CDH12: variants seen among roughly 807,000 people sequenced by gnomAD.
CDH12 encodes the protein cadherin 12.
In CDH12, 41 loss-of-function variants were observed where a neutral mutation model predicts 74.1. The observed-to-expected ratio is 0.55, with a 90% CI of 0.43 to 0.72. CDH12 has a LOEUF of 0.72. Among genes scored for constraint, CDH12 ranks in the 30% least tolerant of loss-of-function variants. The pLI, the probability that CDH12 is intolerant of heterozygous loss-of-function variation, is 0.00. For synonymous variants in CDH12, 399 were observed against 355.0 expected (o/e 1.12, Z -1.39); for missense variants, 945 against 977.2 (o/e 0.97, Z 0.44).
chr5:22,658,697 A>T (rs1019389014), intron 1 of CDH12, among the ~76,000 whole-genome samples: 1 of 152,142 alleles, frequency 6.6e-6, no homozygotes, highest in Non-Finnish European at 1.5e-5. Flanking sequence ...ATCACGTTTC[A>T]AGAGGTCGAG....
rs752782183 is a variant in CDH12, at chr5:22,705,130, T to TATATACAC, written c.-523+147927_-523+147928insGTGTATAT. Among the ~76,000 whole-genome samples, 448 of 125,586 alleles carry TATATACAC rather than the reference T, an allele frequency of 3.6e-3. 6 individuals are homozygous for TATATACAC. The highest frequency in any genetic ancestry group is 0.016 in the South Asian group (57 of 3,628). 82.4% of individuals were successfully genotyped at this position (125,586 alleles called of 152,430 possible). On this transcript the variant is annotated intron_variant, in intron 1 of 14. Transcript: ENST00000382254. ...CCCCACCCAGTCATATATATATATA[T>TATATACAC]ACACACACACACACACACACACACA...
chr5:21,973,459 C>G (rs1316498894), intron 6 of CDH12, among the ~76,000 whole-genome samples: 8 of 152,164 alleles, frequency 5.3e-5, no homozygotes, highest in South Asian at 2.1e-4. Context: ...ATATATTTCT[C>G]TCTTTGGATA....
chr5:22,273,017 G>A (rs1736469224), intron 3 of CDH12, among the ~76,000 whole-genome samples: 1 of 152,094 alleles, frequency 6.6e-6, no homozygotes, highest in African/African-American at 2.4e-5. Flanking sequence ...ACTCTTGTGT[G>A]ACTCACTCAC....
intron 1 of CDH12, among the ~76,000 whole-genome samples, chr5:22,532,176 C>T (rs915310284): frequency 2.3e-4 from 34 of 150,834 alleles, no homozygotes; most frequent in Admixed American, 2.0e-4. Context: ...TTTGGATGCT[C>T]GCCCTGGCAC....
In CDH12 at chr5:22,284,948, A is replaced by AT. The variant is rs1369747394; in HGVS notation, c.-332-72306dup. Among the ~76,000 whole-genome samples the AT allele has an allele frequency of 1.1e-3, 57 of 51,416 alleles. 1 individual carries two copies. In the Admixed American group the frequency reaches 0.011, roughly 10 times the overall value. 33.7% of individuals were successfully genotyped at this position (51,416 alleles called of 152,430 possible). A position where few individuals can be genotyped will look rare whatever the true frequency, so the allele number is the denominator to read the frequency against. ...AAAAGAGAAAAAAAGGGAAGAAGAA[A>AT]TGAAAAAAAAAAAAGCATTGAGCAA... On this transcript the variant is annotated intron_variant, in intron 3 of 14. Coordinates refer to ENST00000382254, the MANE Select transcript of CDH12 (RefSeq NM_004061.5).
intron 1 of CDH12, among the ~76,000 whole-genome samples, chr5:22,724,058 A>G (rs1744034781): frequency 6.6e-6 from 1 of 151,756 alleles, no homozygotes; most frequent in Admixed American, 6.6e-5. Context: ...AGCGTCACAT[A>G]GGTAGCAATT....
chr5:22,523,751 G>A (rs531696428), intron 1 of CDH12, among the ~76,000 whole-genome samples: 109 of 151,910 alleles, frequency 7.2e-4, no homozygotes, highest in Non-Finnish European at 9.6e-4. Flanking sequence ...CATTGTTAAC[G>A]CCTTCCCAGA....
chr5:22,646,290 A>C (rs268980), intron 1 of CDH12, among the ~76,000 whole-genome samples: 47,615 of 151,634 alleles, frequency 0.31, 7,846 homozygotes, highest in African/African-American at 0.41. Context: ...GAAATCAACT[A>C]CTGGAAAACC....
At chr5:22,258,980 A>G (rs1264816138) in intron 3 of CDH12, among the ~76,000 whole-genome samples, 1 of 152,212 alleles carries the variant, frequency 6.6e-6, no homozygotes, top group African/African-American at 2.4e-5. Flanking sequence ...AGATAAACAC[A>G]TCACAGATCT....
chr5:22,507,599 G>T (rs1460512048), intron 1 of CDH12, among the ~76,000 whole-genome samples: 1 of 151,982 alleles, frequency 6.6e-6, no homozygotes, highest in Non-Finnish European at 1.5e-5. Flanking sequence ...AAAATCTTTA[G>T]GTTTAAAAAA....
chr5:21,786,957 T>C (rs1216696214), intron 10 of CDH12, among the ~76,000 whole-genome samples: 4 of 152,090 alleles, frequency 2.6e-5, no homozygotes, highest in Non-Finnish European at 5.9e-5. Flanking sequence ...AGCCCTAAGA[T>C]GGGCCTGAAT....
At chr5:22,339,390 G>T (rs1425505633) in intron 3 of CDH12, among the ~76,000 whole-genome samples, 2 of 152,170 alleles carry the variant, frequency 1.3e-5, no homozygotes, top group African/African-American at 4.8e-5. Flanking sequence ...TCATGGGGTT[G>T]CTGTAGAGGT....
At chr5:22,700,817 A>G (rs1431298330) in intron 1 of CDH12, among the ~76,000 whole-genome samples, 1 of 152,332 alleles carries the variant, frequency 6.6e-6, no homozygotes, top group East Asian at 1.9e-4. Flanking sequence ...AATGAGATAT[A>G]AAGTAGTCCT....
At chr5:22,151,056 G>A (rs546429416) in intron 4 of CDH12, among the ~76,000 whole-genome samples, 2 of 152,238 alleles carry the variant, frequency 1.3e-5, no homozygotes, top group Admixed American at 6.5e-5. Flanking sequence ...GGTGTTTTAC[G>A]CACTTTTTGT....
At chr5:22,383,361 C>A (rs540649918) in intron 3 of CDH12, among the ~76,000 whole-genome samples, 1 of 152,168 alleles carries the variant, frequency 6.6e-6, no homozygotes, top group African/African-American at 2.4e-5. Flanking sequence ...CACAAAAATC[C>A]AAAATGACTT....
At position 22,683,245 on chromosome 5, in the gene CDH12, A is replaced by T. The variant is rs144085499; in HGVS notation, c.-523+169813T>A. 1.4e-3 allele frequency among the ~76,000 whole-genome samples: 215 copies of T among 152,288 alleles called. 2 individuals carry two copies. Among genetic ancestry groups the T allele is most frequent in the African/African-American group, 5.0e-3 (207 of 41,578 alleles). Reference sequence around the variant, plus strand: ...TAACGTTTCTTCCAGAGAGCTGTTAATATTTCTTCTATGCTGAAATCCCAC... The same window carrying T: ...TAACGTTTCTTCCAGAGAGCTGTTATTATTTCTTCTATGCTGAAATCCCAC... On this transcript the variant is annotated intron_variant, in intron 1 of 14. Transcript: ENST00000382254.
At chr5:21,760,491 T>C in intron 13 of CDH12, 67 bp downstream of exon 13, 1 of 777,504 alleles carries the variant, frequency 1.3e-6, no homozygotes. Flanking sequence ...AAAGTATTGA[T>C]TCCTCCCTTT....
At chr5:22,365,152 T>C (rs1740975233) in intron 3 of CDH12, among the ~76,000 whole-genome samples, 1 of 152,188 alleles carries the variant, frequency 6.6e-6, no homozygotes, top group Non-Finnish European at 1.5e-5. Context: ...CTAATAGACA[T>C]GGGCAGTGAC....
intron 1 of CDH12, among the ~76,000 whole-genome samples, chr5:22,621,392 A>G (rs1737964893): frequency 6.6e-6 from 1 of 152,166 alleles, no homozygotes; most frequent in Admixed American, 6.6e-5. Flanking sequence ...AACAATATTC[A>G]AAGGACTATT....
Sources: gnomAD v4.1 joint callset for allele counts (sites outside exome capture counted in the v4.1 genomes callset) on GRCh38, gnomAD v4.1.1 for gene constraint, MANE v1.5 for transcripts, NCBI Gene and HGNC (gene_info 2026-07-23, HGNC 2026-07-21) for gene names.